MROH1: variants seen among roughly 807,000 people sequenced by gnomAD.
The protein encoded by MROH1 is maestro heat-like repeat-containing protein family member 1.
In MROH1, 117 loss-of-function variants were observed where a neutral mutation model predicts 116.5. The observed-to-expected ratio is 1.00, with a 90% CI of 0.86 to 1.17. MROH1 has a LOEUF of 1.17. Ranked by LOEUF, MROH1 falls within the 50% of genes most tolerant of loss-of-function variation. MROH1 has a pLI of 0.00. For missense variants in MROH1, 1,873 were observed against 1,338.5 expected (o/e 1.40, Z -6.23); for synonymous variants, 921 against 583.9 (o/e 1.58, Z -8.32).
chr8:144,260,758 T>C lies in MROH1; in HGVS notation c.4462T>C (p.Phe1488Leu). The C allele has an allele frequency of 1.3e-6, 1 of 779,272 alleles. No homozygotes were observed. Among genetic ancestry groups the C allele is most frequent in the East Asian group, 2.4e-5 (1 of 41,248 alleles). 48.3% of individuals were successfully genotyped at this position (779,272 alleles called of 1,614,324 possible). Reference protein sequence around the residue: ...KVCHGDCEDVFLDQVVGGLAP... With the variant: ...KVCHGDCEDVLLDQVVGGLAP... Reference sequence around the variant, plus strand: ...CTGCCACGGAGACTGTGAGGACGTCTTCCTGGACCAGGTGGTGGGCGGGCT... The same window carrying C: ...CTGCCACGGAGACTGTGAGGACGTCCTCCTGGACCAGGTGGTGGGCGGGCT... The change falls in exon 40 of 44, where the codon TTC becomes CTC. Residue 1488 changes from phenylalanine (F) to leucine (L), a missense_variant. By Grantham distance (22) the Phe-to-Leu change is conservative. Coordinates refer to ENST00000326134, the MANE Select transcript of MROH1 (RefSeq NM_032450.3).
chr8:144,171,711 T>C (rs1461213216), intron 4 of MROH1, among the ~76,000 whole-genome samples: 31 of 152,220 alleles, frequency 2.0e-4, no homozygotes, highest in Admixed American at 2.0e-3. Flanking sequence ...GTTGTGAGAC[T>C]GTCTTTCCCT....
At chr8:144,228,591 G>C (rs1258536487) in intron 14 of MROH1, among the ~76,000 whole-genome samples, 3 of 152,132 alleles carry the variant, frequency 2.0e-5, no homozygotes, top group Non-Finnish European at 4.4e-5. Context: ...AGCCTCCCAA[G>C]TAGTTGGGAT....
chr8:144,245,384 A>G, intron 29 of MROH1, 124 bp downstream of exon 29: 2 of 675,330 alleles, frequency 3.0e-6, no homozygotes, highest in Non-Finnish European at 5.4e-6. Context: ...CTTCCTTGAG[A>G]CCTGGATTGA....
intron 14 of MROH1, among the ~76,000 whole-genome samples, chr8:144,238,398 G>A (rs1173934489): frequency 2.6e-5 from 4 of 152,108 alleles, no homozygotes; most frequent in South Asian, 2.1e-4. Flanking sequence ...CGTGGCTGCC[G>A]AGGCTGGGTG....
intron 35 of MROH1, among the ~76,000 whole-genome samples, chr8:144,256,607 G>A (rs888862131): frequency 1.2e-3 from 182 of 152,198 alleles, no homozygotes; most frequent in African/African-American, 3.2e-3. Context: ...GGCCTGCTGC[G>A]AATCAGTGCC....
At chr8:144,177,967 C>CT (rs61011280) in intron 4 of MROH1, among the ~76,000 whole-genome samples, 120,501 of 143,854 alleles carry the variant, frequency 0.84, 52,518 homozygotes, top group East Asian at 0.99. Flanking sequence ...ATTTCTTCTT[C>CT]TTTTTTTTTT....
intron 4 of MROH1, chr8:144,175,534 C>T (rs936767829): frequency 2.0e-6 from 2 of 985,498 alleles, no homozygotes; most frequent in South Asian, 4.7e-5. Flanking sequence ...TTAATCCACC[C>T]ACTTAGAGCC....
rs1218482716 is a variant in MROH1, at chr8:144,156,241, GAAAAAAAAA to G, written c.-176-4714_-176-4706del. On this transcript the variant is annotated intron_variant, in intron 1 of 43. Transcript: ENST00000326134. Reference sequence around the variant, plus strand: ...AACAAGAGTGAAACTCCGTCTCAAAGAAAAAAAAAAAAAAAAAAAAAAAGTTGAGCAGGT... The same window carrying G: ...AACAAGAGTGAAACTCCGTCTCAAAGAAAAAAAAAAAAAAGTTGAGCAGGT... Among the ~76,000 whole-genome samples the G allele has an allele frequency of 6.0e-4, 35 of 58,504 alleles. 1 individual carries two copies. The highest frequency in any genetic ancestry group is 1.7e-3 in the Admixed American group (8 of 4,784). The allele number at this position is 58,504 out of a possible 152,430, so 38.4% of individuals were successfully genotyped here.
At chr8:144,228,018 G>A (rs1233446172) in intron 14 of MROH1, among the ~76,000 whole-genome samples, 1 of 151,978 alleles carries the variant, frequency 6.6e-6, no homozygotes, top group African/African-American at 2.4e-5. Context: ...AATCGTTTAA[G>A]GCCAGGAATT....
In MROH1 at chr8:144,212,580, C is replaced by CTTTTTTTTTTTTTTTTTTTTTTTTTTTTT. The variant is rs59225464; in HGVS notation, c.1142-8019_1142-7991dup. ...AGAGATTTTTACCTCTCTTCTGTTACTTTTTTTTTTTTTTTTTTTTTTTTT... is the reference window on the plus strand; with the variant it reads ...AGAGATTTTTACCTCTCTTCTGTTACTTTTTTTTTTTTTTTTTTTTTTTTTTTTTTTTTTTTTTTTTTTTTTTTTTTTTT... On this transcript the variant is annotated intron_variant, in intron 12 of 43. Transcript: ENST00000326134. Among the ~76,000 whole-genome samples the CTTTTTTTTTTTTTTTTTTTTTTTTTTTTT allele has an allele frequency of 4.2e-5, 2 of 47,200 alleles. 1 individual carries two copies. The allele number at this position is 47,200 out of a possible 152,430, so 31.0% of individuals were successfully genotyped here. A position where few individuals can be genotyped will look rare whatever the true frequency, so the allele number is the denominator to read the frequency against.
intron 1 of MROH1, among the ~76,000 whole-genome samples, chr8:144,158,036 A>C (rs1473139177): frequency 3.3e-5 from 4 of 121,672 alleles, no homozygotes; most frequent in Non-Finnish European, 6.4e-5. Flanking sequence ...TCTGTCGCCC[A>C]GGTTGGAGTG....
intron 30 of MROH1, 43 bp from the exon 31 acceptor site, chr8:144,247,524 A>AG (rs1842107888): frequency 1.3e-6 from 1 of 761,358 alleles, no homozygotes; most frequent in African/African-American, 1.7e-5. Flanking sequence ...TGGGATCGCC[A>AG]GGGAGGGCCT....
intron 33 of MROH1, chr8:144,250,665 G>A (rs1339197732): frequency 4.1e-6 from 2 of 482,402 alleles, no homozygotes; most frequent in Non-Finnish European, 7.6e-6. Context: ...CTGCCTGGCT[G>A]CTCTGTTGGC....
chr8:144,252,024 C>T (rs1247984704), intron 33 of MROH1: 7 of 214,388 alleles, frequency 3.3e-5, no homozygotes, highest in African/African-American at 9.5e-5. Flanking sequence ...TTCTCCTTGC[C>T]GGGTAGTGCC....
At chr8:144,169,071 G>C (rs114291213) in intron 4 of MROH1, among the ~76,000 whole-genome samples, 1 of 152,170 alleles carries the variant, frequency 6.6e-6, no homozygotes, top group Non-Finnish European at 1.5e-5. Flanking sequence ...TTTCGGCCTC[G>C]CCTGATCTTG....
At chr8:144,166,136 C>T in intron 3 of MROH1, among the ~76,000 whole-genome samples, 1 of 152,188 alleles carries the variant, frequency 6.6e-6, no homozygotes, top group Non-Finnish European at 1.5e-5. Context: ...ACCTTGGTCT[C>T]CCAAAGTGCT....
intron 1 of MROH1, among the ~76,000 whole-genome samples, chr8:144,160,261 ATTTGGTTGT>A (rs1318860288): frequency 2.6e-5 from 4 of 152,044 alleles, no homozygotes; most frequent in Admixed American, 2.6e-4. Flanking sequence ...TCTAGGACTG[ATTTGGTTGT>A]TTACTGAGGT....
chr8:144,217,135 G>T (rs1835446347), intron 12 of MROH1, among the ~76,000 whole-genome samples: 2 of 152,176 alleles, frequency 1.3e-5, no homozygotes, highest in Non-Finnish European at 2.9e-5. Context: ...GGGCAACATA[G>T]TGGGATCTCA....
At position 144,180,374 on chromosome 8, in the gene MROH1, C is replaced by T. The variant is rs201186298; in HGVS notation, c.463+34C>T. The T allele has an allele frequency of 2.1e-4, 335 of 1,609,228 alleles. No homozygotes were observed. Among genetic ancestry groups the T allele is most frequent in the Admixed American group, 3.7e-4 (22 of 59,822 alleles). The stretch of plus-strand genomic sequence containing the variant: ...CGCGCGGCCTGCCCCAGGAGGAGCA[C>T]GGGGCGCTGGAAGCCTTGGCGGAGG... On this transcript the variant is annotated intron_variant, in intron 6 of 43. Coordinates refer to ENST00000326134, the MANE Select transcript of MROH1 (RefSeq NM_032450.3). The surrounding 1 kb of genome is among the most constrained non-coding windows in gnomAD (Gnocchi z 7.4).
Sources: gnomAD v4.1 joint callset for allele counts (sites outside exome capture counted in the v4.1 genomes callset) on GRCh38, gnomAD v4.1.1 for gene constraint, Gnocchi (gnomAD v3.1) non-coding constraint, MANE v1.5 for transcripts, NCBI Gene and HGNC (gene_info 2026-07-23, HGNC 2026-07-21) for gene names.